TBL1XR1: variants seen among roughly 807,000 people sequenced by gnomAD.
TBL1XR1 encodes the protein TBL1X/Y related 1.
TBL1XR1 carries 5 observed loss-of-function variants against 66.9 expected under a neutral mutation model. The observed-to-expected ratio is 0.07, with a 90% confidence interval of 0.04 to 0.16. The LOEUF (loss-of-function observed/expected upper bound fraction) is 0.16. Ranked by LOEUF, TBL1XR1 falls within the 10% of genes least tolerant of loss-of-function variation. The pLI, the probability that TBL1XR1 is intolerant of heterozygous loss-of-function variation, is 1.00. For missense variants in TBL1XR1, 238 were observed against 623.2 expected (o/e 0.38, Z 6.58); for synonymous variants, 210 against 206.0 (o/e 1.02, Z -0.17).
At chr3:177,102,052 A>G (rs1474651310) in intron 1 of TBL1XR1, among the ~76,000 whole-genome samples, 2 of 152,156 alleles carry the variant, frequency 1.3e-5, no homozygotes, top group African/African-American at 4.8e-5. Context: ...ACATACATCT[A>G]CCTTTATAGA....
At chr3:177,061,759 G>A (rs1259817218) in intron 3 of TBL1XR1, among the ~76,000 whole-genome samples, 1 of 152,170 alleles carries the variant, frequency 6.6e-6, no homozygotes, top group Non-Finnish European at 1.5e-5. Context: ...CTTAGATACT[G>A]AATGACTAAT....
intron 1 of TBL1XR1, among the ~76,000 whole-genome samples, chr3:177,102,543 G>A (rs1724353148): frequency 1.3e-5 from 2 of 152,144 alleles, no homozygotes; most frequent in South Asian, 4.1e-4. Context: ...AAAACTTAAG[G>A]TGCATTTAAG....
intron 1 of TBL1XR1, among the ~76,000 whole-genome samples, chr3:177,123,280 A>T (rs1455799461): frequency 6.7e-6 from 1 of 149,954 alleles, no homozygotes; most frequent in Non-Finnish European, 1.5e-5. Flanking sequence ...ACATTAACAA[A>T]AGTTTAAAAT....
intron 1 of TBL1XR1, among the ~76,000 whole-genome samples, chr3:177,165,806 T>G (rs529118477): frequency 6.6e-6 from 1 of 152,216 alleles, no homozygotes; most frequent in African/African-American, 2.4e-5. Flanking sequence ...TAACTCAAAA[T>G]AGATCACAGA....
At chr3:177,047,208 G>T (rs1716445429) in intron 9 of TBL1XR1, 92 bp downstream of exon 9, 3 of 1,023,768 alleles carry the variant, frequency 2.9e-6, no homozygotes, top group Non-Finnish European at 4.2e-6. Context: ...TCCCAAATAG[G>T]AATGTTTATG....
chr3:177,038,485 C>T, intron 10 of TBL1XR1, 51 bp from the exon 11 acceptor site: 1 of 1,430,430 alleles, frequency 7.0e-7, no homozygotes, highest in South Asian at 1.7e-5. Context: ...GTACTAAAAT[C>T]CAAGAGTTTT....
intron 1 of TBL1XR1, among the ~76,000 whole-genome samples, chr3:177,101,879 T>C (rs1724264492): frequency 6.6e-6 from 1 of 152,214 alleles, no homozygotes; most frequent in Non-Finnish European, 1.5e-5. Flanking sequence ...AATAGCATTA[T>C]GTACAATATG....
intron 2 of TBL1XR1, among the ~76,000 whole-genome samples, chr3:177,081,689 C>A (rs927162918): frequency 2.0e-5 from 3 of 150,366 alleles, no homozygotes; most frequent in Admixed American, 6.6e-5. Flanking sequence ...TGCAGTATGC[C>A]GTGACTGCGC....
intron 2 of TBL1XR1, among the ~76,000 whole-genome samples, chr3:177,088,360 G>A (rs1373639884): frequency 2.0e-5 from 3 of 152,080 alleles, no homozygotes; most frequent in Non-Finnish European, 4.4e-5. Flanking sequence ...GTATAAAACT[G>A]CCCTCAGGCT....
upstream of TBL1XR1, among the ~76,000 whole-genome samples, chr3:177,197,699 C>T (rs1256872117): frequency 2.1e-4 from 15 of 70,520 alleles, no homozygotes; most frequent in East Asian, 8.4e-4. Context: ...CGGGAGGCGG[C>T]GGCGGCGCGG....
chr3:177,087,722 T>C (rs1241093465), intron 2 of TBL1XR1, among the ~76,000 whole-genome samples: 2 of 151,812 alleles, frequency 1.3e-5, no homozygotes, highest in East Asian at 3.9e-4. Flanking sequence ...TGCAATCTTA[T>C]CCACTGGACG....
At chr3:177,035,167 G>A (rs1714593627) in intron 12 of TBL1XR1, among the ~76,000 whole-genome samples, 1 of 152,108 alleles carries the variant, frequency 6.6e-6, no homozygotes, top group African/African-American at 2.4e-5. Context: ...CATGTTTTCA[G>A]AACTGATTTC....
At chr3:177,190,417 G>C (rs1301801727) in intron 1 of TBL1XR1, among the ~76,000 whole-genome samples, 1 of 152,172 alleles carries the variant, frequency 6.6e-6, no homozygotes, top group Non-Finnish European at 1.5e-5. Context: ...CCGGGTTGAA[G>C]CTATTCTCCT....
At chr3:177,086,864 C>G (rs1044385906) in intron 2 of TBL1XR1, 1 of 151,326 alleles carries the variant, frequency 6.6e-6, no homozygotes, top group African/African-American at 2.4e-5. Flanking sequence ...GTAACATAAA[C>G]ACACACACCT....
At chr3:177,112,393 C>T (rs980227822) in intron 1 of TBL1XR1, among the ~76,000 whole-genome samples, 3 of 151,882 alleles carry the variant, frequency 2.0e-5, no homozygotes, top group Admixed American at 2.0e-4. Context: ...CAGGCACGAG[C>T]CACGGCCCCC....
At chr3:177,099,506 G>C (rs564856184) in intron 1 of TBL1XR1, 1 of 152,286 alleles carries the variant, frequency 6.6e-6, no homozygotes, top group Admixed American at 6.5e-5. Flanking sequence ...ACAGAAAGGA[G>C]TTTACTACTA....
intron 1 of TBL1XR1, among the ~76,000 whole-genome samples, chr3:177,118,092 T>C (rs953454499): frequency 1.1e-4 from 17 of 152,240 alleles, no homozygotes; most frequent in African/African-American, 3.9e-4. Context: ...TTATCCACTC[T>C]TCTCAGCCAG....
intron 1 of TBL1XR1, among the ~76,000 whole-genome samples, chr3:177,158,007 C>G (rs1204601323): frequency 2.0e-5 from 3 of 151,968 alleles, no homozygotes; most frequent in Non-Finnish European, 4.4e-5. Flanking sequence ...TGTTTCCCCC[C>G]ACCCCCAAGG....
At chr3:177,107,939 C>A (rs953125104) in intron 1 of TBL1XR1, among the ~76,000 whole-genome samples, 12 of 151,764 alleles carry the variant, frequency 7.9e-5, no homozygotes, top group South Asian at 2.1e-4. Context: ...CACTACTACT[C>A]AACTCTGCTA....
Sources: gnomAD v4.1 joint callset for allele counts (sites outside exome capture counted in the v4.1 genomes callset) on GRCh38, gnomAD v4.1.1 for gene constraint, MANE v1.5 for transcripts, NCBI Gene and HGNC (gene_info 2026-07-23, HGNC 2026-07-21) for gene names.